The following RASSF8 variants were observed in gnomAD, a reference collection of about 807,000 sequenced individuals.
The protein encoded by RASSF8 is Ras association domain family member 8, also known as ras association domain-containing protein 8.
RASSF8 carries 22 observed loss-of-function variants against 48.5 expected under a neutral mutation model. That is an observed-to-expected ratio of 0.45 (90% CI 0.32 to 0.65). The LOEUF (loss-of-function observed/expected upper bound fraction) is 0.65. Among genes scored for constraint, RASSF8 ranks in the 30% least tolerant of loss-of-function variants. The pLI is 0.03. For synonymous variants in RASSF8, 127 were observed against 171.5 expected (o/e 0.74, Z 2.03); for missense variants, 418 against 489.2 (o/e 0.85, Z 1.37).
chr12:25,995,306 G>GA (rs1405227825), intron 2 of RASSF8, among the ~76,000 whole-genome samples, 176 bp downstream of exon 2: 1 of 152,156 alleles, frequency 6.6e-6, no homozygotes, highest in Non-Finnish European at 1.5e-5. Flanking sequence ...ACTAAGTATA[G>GA]GTGGTGATAG....
At chr12:25,984,534 G>A (rs977434550) in intron 1 of RASSF8, among the ~76,000 whole-genome samples, 2 of 152,090 alleles carry the variant, frequency 1.3e-5, no homozygotes, top group Admixed American at 6.5e-5. Context: ...GTAGATACAG[G>A]GTTTCACCAT....
intron 2 of RASSF8, among the ~76,000 whole-genome samples, chr12:26,023,099 A>G (rs1310349342): frequency 1.3e-5 from 2 of 152,328 alleles, no homozygotes; most frequent in East Asian, 3.9e-4. Context: ...ATAGATAGGT[A>G]AAGATTATGC....
intron 1 of RASSF8, among the ~76,000 whole-genome samples, chr12:25,968,728 C>A (rs541269166): frequency 6.6e-6 from 1 of 152,290 alleles, no homozygotes; most frequent in Admixed American, 6.5e-5. Context: ...GTAAAACACA[C>A]AAAGCTCCTG....
exon 6 of RASSF8, chr12:26,079,315 T>G: frequency 3.1e-6 from 1 of 327,372 alleles, no homozygotes; most frequent in Non-Finnish European, 5.6e-6. Context: ...CTGGGCATGG[T>G]GGCTCACGCC....
chr12:26,049,026 G>A lies in RASSF8; in HGVS notation c.-108-6210G>A, dbSNP rs544813899. Among the ~76,000 whole-genome samples the A allele has an allele frequency of 3.1e-3, 465 of 152,244 alleles. 1 individual carries two copies. The highest frequency in any genetic ancestry group is 0.011 in the African/African-American group (438 of 41,536). The stretch of plus-strand genomic sequence containing the variant: ...GCCTACCTTGGCCTCCCAAAGTGCT[G>A]GGATTACAGGCGTGAACCACTGTGC... On this transcript the variant is annotated intron_variant, in intron 2 of 5. Coordinates refer to ENST00000689635, the MANE Select transcript of RASSF8 (RefSeq NM_001394098.1).
At chr12:26,048,625 A>G (rs1452357405) in intron 2 of RASSF8, among the ~76,000 whole-genome samples, 3 of 151,926 alleles carry the variant, frequency 2.0e-5, no homozygotes, top group African/African-American at 7.3e-5. Flanking sequence ...ATTCCTTTGC[A>G]CTATTTTCAT....
chr12:25,971,134 G>A (rs1941474795), intron 1 of RASSF8, among the ~76,000 whole-genome samples: 2 of 152,170 alleles, frequency 1.3e-5, no homozygotes, highest in Admixed American at 6.5e-5. Flanking sequence ...TGTAGCCCTC[G>A]ATGCAGTTCA....
chr12:25,960,464 A>G (rs1941204260), intron 1 of RASSF8, among the ~76,000 whole-genome samples: 1 of 152,122 alleles, frequency 6.6e-6, no homozygotes, highest in South Asian at 2.1e-4. Flanking sequence ...TGTGAGTTTT[A>G]TCTTTTAGCG....
At chr12:25,964,275 T>G (rs1485701027) in intron 1 of RASSF8, among the ~76,000 whole-genome samples, 2 of 151,546 alleles carry the variant, frequency 1.3e-5, no homozygotes, top group Non-Finnish European at 2.9e-5. Context: ...TTTAGAAAGC[T>G]ATTCTTAGCA....
chr12:25,981,091 T>G (rs890135091), intron 1 of RASSF8, among the ~76,000 whole-genome samples: 4 of 152,154 alleles, frequency 2.6e-5, no homozygotes, highest in African/African-American at 7.2e-5. Flanking sequence ...TGGTCCTGGC[T>G]CACTCCTGTT....
rs11048389 is a variant in RASSF8 at position 26,036,924 on chromosome 12, A to G, written c.-108-18312A>G. Among the ~76,000 whole-genome samples, 25 of 149,052 alleles carry G rather than the reference A, an allele frequency of 1.7e-4. No homozygotes were observed. The Middle Eastern group carries it at 0.01, about 62-fold the overall frequency. Reference sequence around the variant, plus strand: ...GAGCAAGACTCCATCACAAAAAAATAAAAAAAAAACAAAAAACTGTATGTG... The same window carrying G: ...GAGCAAGACTCCATCACAAAAAAATGAAAAAAAAACAAAAAACTGTATGTG... On this transcript the variant is annotated intron_variant, in intron 2 of 5. Coordinates refer to ENST00000689635, the MANE Select transcript of RASSF8 (RefSeq NM_001394098.1).
At chr12:25,982,355 A>G (rs1366149561) in intron 1 of RASSF8, among the ~76,000 whole-genome samples, 1 of 152,222 alleles carries the variant, frequency 6.6e-6, no homozygotes. Context: ...GAAACAACAT[A>G]GTTCATATGA....
intron 2 of RASSF8, among the ~76,000 whole-genome samples, chr12:26,045,039 G>A (rs182208521): frequency 2.7e-3 from 411 of 152,152 alleles, no homozygotes; most frequent in Non-Finnish European, 4.9e-3. Flanking sequence ...TTCATCTAGG[G>A]ACTTAATTAT....
intron 2 of RASSF8, among the ~76,000 whole-genome samples, chr12:26,054,850 A>G (rs79359016): frequency 2.0e-3 from 302 of 152,314 alleles, no homozygotes; most frequent in African/African-American, 7.1e-3. Context: ...AAGTGGTTCA[A>G]TTTTATTGAT....
At chr12:26,048,644 C>A (rs1331241124) in intron 2 of RASSF8, among the ~76,000 whole-genome samples, 1 of 152,174 alleles carries the variant, frequency 6.6e-6, no homozygotes, top group East Asian at 1.9e-4. Context: ...ATTTTTCATA[C>A]CTCCCAAGTG....
chr12:25,988,682 G>A (rs1400926024), intron 1 of RASSF8, among the ~76,000 whole-genome samples: 1 of 152,176 alleles, frequency 6.6e-6, no homozygotes, highest in Non-Finnish European at 1.5e-5. Flanking sequence ...AATAGTATGT[G>A]AAATTCCTGC....
At chr12:25,969,071 G>A (rs547206964) in intron 1 of RASSF8, among the ~76,000 whole-genome samples, 1 of 152,300 alleles carries the variant, frequency 6.6e-6, no homozygotes, top group African/African-American at 2.4e-5. Context: ...GGGTAAGGCT[G>A]GGGGGAGCAA....
intron 2 of RASSF8, among the ~76,000 whole-genome samples, chr12:26,053,619 A>G (rs201473198): frequency 6.6e-6 from 1 of 151,720 alleles, no homozygotes; most frequent in African/African-American, 2.4e-5. Flanking sequence ...CTTTCTTAAC[A>G]TTTCTTTAAC....
At chr12:26,036,295 G>GT (rs1943149152) in intron 2 of RASSF8, among the ~76,000 whole-genome samples, 1 of 151,886 alleles carries the variant, frequency 6.6e-6, no homozygotes, top group African/African-American at 2.4e-5. Context: ...TTCTGTTTCT[G>GT]TTTCGTTTTG....
Sources: gnomAD v4.1 joint callset for allele counts (sites outside exome capture counted in the v4.1 genomes callset) on GRCh38, gnomAD v4.1.1 for gene constraint, MANE v1.5 for transcripts, NCBI Gene and HGNC (gene_info 2026-07-23, HGNC 2026-07-21) for gene names.